The following KMT2C variants were observed in gnomAD, a reference collection of about 807,000 sequenced individuals.
KMT2C encodes the protein histone-lysine N-methyltransferase 2C.
A neutral mutation model predicts 507.9 loss-of-function variants in KMT2C; 88 were observed. The ratio of observed to expected loss-of-function variants is 0.17; its 90% CI spans 0.15 to 0.21. The LOEUF (loss-of-function observed/expected upper bound fraction) is 0.21, where lower values mean the gene tolerates loss of function less well. KMT2C is among the 10% of genes least tolerant of loss of function. KMT2C has a pLI of 1.00. For missense variants in KMT2C, 4,954 were observed against 5,957.8 expected (o/e 0.83, Z 5.55); for synonymous variants, 2,049 against 2,080.8 (o/e 0.98, Z 0.42).
At chr7:152,164,151 T>C (rs1184784195) in intron 42 of KMT2C, among the ~76,000 whole-genome samples, 1 of 152,084 alleles carries the variant, frequency 6.6e-6, no homozygotes, top group African/African-American at 2.4e-5. Context: ...ATAAAAAATA[T>C]ACAATAAAAA....
chr7:152,206,171 T>A (rs777301439), intron 24 of KMT2C, among the ~76,000 whole-genome samples: 2 of 152,094 alleles, frequency 1.3e-5, no homozygotes, highest in Non-Finnish European at 2.9e-5. Flanking sequence ...AGAATAGAGG[T>A]CTGGTACACA....
At chr7:152,162,061 G>A (rs543513406) in intron 43 of KMT2C, 56 bp downstream of exon 43, 4 of 1,482,106 alleles carry the variant, frequency 2.7e-6, no homozygotes, top group Non-Finnish European at 3.6e-6. Flanking sequence ...CTAATCTGCT[G>A]TAAGTATAAT....
chr7:152,251,046 T>G (rs2095555043), intron 11 of KMT2C, 80 bp from the exon 12 acceptor site: 1 of 782,880 alleles, frequency 1.3e-6, no homozygotes, highest in Non-Finnish European at 2.2e-6. Flanking sequence ...TGATTTTGTA[T>G]GAGTAAGGGC....
chr7:152,326,663 G>A lies in KMT2C; in HGVS notation c.389+3938C>T, dbSNP rs576146140. ...TGGGAGGCCGAGATGTGCAGATCAC[G>A]AGGTCAGGAGATCGAGACCATCCTG... On this transcript the variant is annotated intron_variant, in intron 3 of 58. Coordinates refer to ENST00000262189, the MANE Select transcript of KMT2C (RefSeq NM_170606.3). 3.3e-3 allele frequency among the ~76,000 whole-genome samples: 508 copies of A among 152,218 alleles called. 5 individuals are homozygous for A. Among genetic ancestry groups the A allele is most frequent in the African/African-American group, 0.012 (484 of 41,520 alleles).
At chr7:152,377,029 T>TAATA (rs1554690357) in intron 1 of KMT2C, among the ~76,000 whole-genome samples, 5 of 86,674 alleles carry the variant, frequency 5.8e-5, no homozygotes, top group South Asian at 3.4e-4. Flanking sequence ...CTTTTAAAAA[T>TAATA]AATAAATAAA....
chr7:152,142,770 C>T (rs1412224822), intron 55 of KMT2C, among the ~76,000 whole-genome samples: 4 of 152,132 alleles, frequency 2.6e-5, no homozygotes, highest in Admixed American at 2.0e-4. Flanking sequence ...AATGAAGCTA[C>T]GTCAGTTGAT....
intron 31 of KMT2C, among the ~76,000 whole-genome samples, chr7:152,188,451 T>C (rs2093687446): frequency 2.0e-5 from 3 of 152,058 alleles, no homozygotes; most frequent in Non-Finnish European, 4.4e-5. Flanking sequence ...TTCGACACAA[T>C]TAACTCCTAA....
intron 3 of KMT2C, among the ~76,000 whole-genome samples, chr7:152,318,733 T>C (rs2096745191): frequency 6.6e-6 from 1 of 150,862 alleles, no homozygotes; most frequent in African/African-American, 2.4e-5. Context: ...GGTAAAAAGA[T>C]ACCAGGCAAA....
Position 152,247,980 on chromosome 7 carries a change from T to A in KMT2C, c.2454A>T (p.Ser818=), listed in dbSNP as rs1349210317. The A allele has an allele frequency of 6.2e-7, 1 of 1,614,098 alleles. No individual in the cohort carries two copies. The highest frequency in any genetic ancestry group is 1.7e-5 in the Admixed American group (1 of 60,018). ...TACCCATGCCAATTTTTGGAGTGAC[T>A]GAGATGTAAGTTGTTGGCATGATGT... ...AGNIMPTTYI[S]VTPKIGMGKP... The change falls in exon 14 of 59, where the codon TCA becomes TCT. Residue 818 remains serine (S), a synonymous_variant. Coordinates refer to ENST00000262189, the MANE Select transcript of KMT2C (RefSeq NM_170606.3).
At chr7:152,234,209 C>G (rs1366237407) in intron 16 of KMT2C, among the ~76,000 whole-genome samples, 6 of 151,900 alleles carry the variant, frequency 3.9e-5, no homozygotes, top group African/African-American at 1.5e-4. Context: ...GAAAAACTGT[C>G]TCTACTAAAA....
At chr7:152,238,646 C>G (rs2095328122) in intron 15 of KMT2C, 61 bp downstream of exon 15, 6 of 1,534,912 alleles carry the variant, frequency 3.9e-6, no homozygotes, top group Non-Finnish European at 5.2e-6. Flanking sequence ...TTCTTAACAT[C>G]CAGTAGGGCA....
chr7:152,200,412 A>T (rs182500365), intron 26 of KMT2C, among the ~76,000 whole-genome samples: 1 of 152,356 alleles, frequency 6.6e-6, no homozygotes, highest in Non-Finnish European at 1.5e-5. Context: ...AAAGAAAGTA[A>T]GTTGAATTAC....
At chr7:152,417,943 CTTTCTTTTAAAAAAAAAAAAAAA>C (rs777091680) in intron 1 of KMT2C, among the ~76,000 whole-genome samples, 7,445 of 128,624 alleles carry the variant, frequency 0.058, 314 homozygotes, top group African/African-American at 0.13. Context: ...CGCCCACCCT[CTTTCTTTTAAAAAAAAAAAAAAA>C]AAAAAAGATG....
intron 6 of KMT2C, among the ~76,000 whole-genome samples, chr7:152,289,096 A>G (rs1300530055): frequency 1.3e-5 from 2 of 152,304 alleles, no homozygotes; most frequent in Non-Finnish European, 2.9e-5. Context: ...CTGAAGGAAG[A>G]AAGAACAAAC....
intron 46 of KMT2C, 123 bp downstream of exon 46, chr7:152,155,787 C>G: frequency 1.1e-6 from 1 of 921,312 alleles, no homozygotes; most frequent in South Asian, 1.9e-5. Context: ...AGATTATTCA[C>G]CAAATTGTAC....
In KMT2C at chr7:152,177,545, A is replaced by G. The variant is rs2129114986; in HGVS notation, c.7908T>C (p.Gly2636=). The change falls in exon 38 of 59, where the codon GGT becomes GGC. Residue 2636 remains glycine (G), a synonymous_variant. Coordinates refer to ENST00000262189, the MANE Select transcript of KMT2C (RefSeq NM_170606.3). The part of the protein sequence containing the change: ...EQVPPSQQEQ[G]HSVHSSSMVM... ...CCATAGAAGATGAATGGACAGAATG[A>G]CCTTGCTCTTGTTGAGATGGTGGCA... 6.2e-7 allele frequency: 1 copy of G among 1,614,176 alleles called. No homozygotes were observed. Among genetic ancestry groups the G allele is most frequent in the Non-Finnish European group, 8.5e-7 (1 of 1,180,036 alleles).
chr7:152,289,344 A>T (rs2129185016), intron 6 of KMT2C, among the ~76,000 whole-genome samples: 1 of 152,364 alleles, frequency 6.6e-6, no homozygotes, highest in Admixed American at 6.5e-5. Context: ...AATATCACTG[A>T]TGAAGCAGCA....
chr7:152,367,977 C>CA (rs2097261041), intron 1 of KMT2C: 1 of 891,328 alleles, frequency 1.1e-6, no homozygotes, highest in South Asian at 1.4e-5. Flanking sequence ...GTTTAAAAAA[C>CA]AGATAATGAA....
intron 2 of KMT2C, among the ~76,000 whole-genome samples, chr7:152,344,195 T>C (rs1379892114): frequency 6.6e-6 from 1 of 152,134 alleles, no homozygotes; most frequent in Non-Finnish European, 1.5e-5. Flanking sequence ...ACATTACAAG[T>C]GAAAATTACA....
Sources: gnomAD v4.1 joint callset for allele counts (sites outside exome capture counted in the v4.1 genomes callset) on GRCh38, gnomAD v4.1.1 for gene constraint, MANE v1.5 for transcripts, NCBI Gene and HGNC (gene_info 2026-07-23, HGNC 2026-07-21) for gene names.